The following NIPA2 variants were observed in gnomAD, a reference collection of about 807,000 sequenced individuals.
The protein encoded by NIPA2 is NIPA magnesium transporter 2.
Under a neutral mutation model 29.7 loss-of-function variants are expected in NIPA2, and 11 were observed. That is an observed-to-expected ratio of 0.37 (90% CI 0.23 to 0.61). NIPA2 has a LOEUF of 0.61. Ranked by LOEUF, NIPA2 falls within the 20% of genes least tolerant of loss-of-function variation. The pLI is 0.66. For synonymous variants in NIPA2, 183 were observed against 161.9 expected (o/e 1.13, Z -0.99); for missense variants, 426 against 437.9 (o/e 0.97, Z 0.24).
chr15:22,852,505 T>G (rs1371207042), intron 4 of NIPA2, among the ~76,000 whole-genome samples: 1 of 150,602 alleles, frequency 6.6e-6, no homozygotes, highest in Non-Finnish European at 1.5e-5. Flanking sequence ...TCAGAATTTA[T>G]TAAAGGCTGG....
At chr15:22,858,056 G>C (rs1364611148) in intron 5 of NIPA2, among the ~76,000 whole-genome samples, 1 of 151,946 alleles carries the variant, frequency 6.6e-6, no homozygotes, top group Non-Finnish European at 1.5e-5. Context: ...AATTGACTTG[G>C]ACTCTTACTG....
chr15:22,866,123 C>T lies in NIPA2; in HGVS notation c.449-90C>T, dbSNP rs1014024859. 16 of 1,050,194 alleles carry T rather than the reference C, an allele frequency of 1.5e-5. No individual in the cohort carries two copies. The Admixed American group carries it at 2.3e-4, about 15-fold the overall frequency. The allele number at this position is 1,050,194 out of a possible 1,614,324, so 65.1% of individuals were successfully genotyped here. A position where few individuals can be genotyped will look rare whatever the true frequency, so the allele number is the denominator to read the frequency against. ...TTTATTTCCAGGCCATACCTTTTCT[C>T]CCTATCAAGTTTATTATATTTTGTT... On this transcript the variant is annotated intron_variant, in intron 7 of 7. Transcript: ENST00000337451.
intron 2 of NIPA2, among the ~76,000 whole-genome samples, chr15:22,844,944 A>G (rs1898200235): frequency 6.6e-6 from 1 of 152,172 alleles, no homozygotes. Context: ...TGCCTGGCAG[A>G]TAATAGCTGC....
chr15:22,862,269 AATT>A (rs2058679139), intron 7 of NIPA2, among the ~76,000 whole-genome samples: 1 of 150,688 alleles, frequency 6.6e-6, no homozygotes, highest in African/African-American at 2.4e-5. Flanking sequence ...GCTGGTCTCG[AATT>A]CCTGACCTCA....
intron 3 of NIPA2, among the ~76,000 whole-genome samples, chr15:22,849,981 G>T (rs1014036663): frequency 6.6e-6 from 1 of 152,024 alleles, no homozygotes; most frequent in African/African-American, 2.4e-5. Flanking sequence ...TTTTAAAAAC[G>T]TTAATATGGA....
At chr15:22,841,575 C>T (rs1006821949) in intron 2 of NIPA2, among the ~76,000 whole-genome samples, 12 of 152,084 alleles carry the variant, frequency 7.9e-5, no homozygotes, top group African/African-American at 2.9e-4. Flanking sequence ...GCTGTGCGAT[C>T]TCGGCTCACT....
chr15:22,858,600 C>G lies in NIPA2; in HGVS notation c.257C>G (p.Thr86Ser). The change falls in exon 6 of 8, where the codon ACT becomes AGT. Residue 86 changes from threonine (T) to serine (S), a missense_variant. Thr to Ser is a moderately conservative substitution (Grantham distance 58, BLOSUM62 1). Coordinates refer to ENST00000337451, the MANE Select transcript of NIPA2 (RefSeq NM_030922.7). ...AYAFAPATLV[T>S]PLGALSVLVS... ...GCGTTTGCACCAGCCACTCTAGTGA[C>G]TCCACTAGGAGCTCTCAGCGTGCTA... The G allele has an allele frequency of 6.2e-7, 1 of 1,605,968 alleles. No individual in the cohort carries two copies.
rs199632347 is a variant in NIPA2, at chr15:22,864,433, C to T, written c.449-1780C>T. Among the ~76,000 whole-genome samples, 19 of 152,282 alleles carry T rather than the reference C, an allele frequency of 1.2e-4. No homozygotes were observed. In the East Asian group the frequency reaches 2.9e-3, roughly 23 times the overall value. On this transcript the variant is annotated intron_variant, in intron 7 of 7. Transcript: ENST00000337451. Reference sequence around the variant, plus strand: ...CCGCCCAAAGTGCTGGGATTACAGGCGTGAGCCACCACGCCCGGCCTGCTG... The same window carrying T: ...CCGCCCAAAGTGCTGGGATTACAGGTGTGAGCCACCACGCCCGGCCTGCTG...
rs560971518 is a variant in NIPA2 at position 22,849,395 on chromosome 15, TGCCTTATGAATG to T, written c.-93-2241_-93-2230del. ...ACCTAAGACTTTTCTCATGGAATCT[TGCCTTATGAATG>T]GCACAGAGGGACTAGGGGTACTTTT... On this transcript the variant is annotated intron_variant, in intron 3 of 7. Transcript: ENST00000337451. Among the ~76,000 whole-genome samples the T allele has an allele frequency of 7.0e-3, 1,063 of 152,208 alleles. 34 individuals are homozygous for T. The highest frequency in any genetic ancestry group is 0.061 in the Admixed American group (935 of 15,282).
Position 22,851,851 on chromosome 15 carries a change from G to A in NIPA2, c.120G>A (p.Arg40=), listed in dbSNP as rs1387193395. 1 of 1,613,672 alleles carries A rather than the reference G, an allele frequency of 6.2e-7. No individual in the cohort carries two copies. Among genetic ancestry groups the A allele is most frequent in the African/African-American group, 1.3e-5 (1 of 74,998 alleles). The change falls in exon 4 of 8, where the codon AGG becomes AGA. Residue 40 remains arginine, a synonymous_variant. Coordinates refer to ENST00000337451, the MANE Select transcript of NIPA2 (RefSeq NM_030922.7). ...AAAAGGGCCTCCTTCGACTTGCCAGGAAAGGCTCTATGAGAGCAGGTAGGT... is the reference window on the plus strand; with the variant it reads ...AAAAGGGCCTCCTTCGACTTGCCAGAAAAGGCTCTATGAGAGCAGGTAGGT... ...LKKKGLLRLA[R]KGSMRAGQGG...
At position 22,851,863 on chromosome 15, in the gene NIPA2, G is replaced by A; in HGVS notation, c.132G>A (p.Met44Ile). 1 of 1,613,286 alleles carries A rather than the reference G, an allele frequency of 6.2e-7. No homozygotes were observed. Among genetic ancestry groups the A allele is most frequent in the Non-Finnish European group, 8.5e-7 (1 of 1,179,658 alleles). ...TTCGACTTGCCAGGAAAGGCTCTAT[G>A]AGAGCAGGTAGGTTATGCCTTATGT... ...GLLRLARKGS[M>I]RAGQGGHAYL... The change falls in exon 4 of 8, where the codon ATG becomes ATA. Residue 44 changes from methionine (M) to isoleucine (I), a missense_variant. Transcript: ENST00000337451.
chr15:22,866,189 G>GTAAC, intron 7 of NIPA2, 24 bp from the exon 8 acceptor site: 1 of 1,597,510 alleles, frequency 6.3e-7, no homozygotes, highest in African/African-American at 1.3e-5. Flanking sequence ...TTTGACTCAT[G>GTAAC]TAACTTTTCT....
intron 2 of NIPA2, among the ~76,000 whole-genome samples, chr15:22,840,302 GTT>G (rs34852065): frequency 1.5e-5 from 2 of 129,506 alleles, no homozygotes; most frequent in Non-Finnish European, 1.6e-5. Context: ...TTTTTTTTTT[GTT>G]TTTTTTTTTT....
intron 5 of NIPA2, among the ~76,000 whole-genome samples, chr15:22,854,312 G>A (rs2058021030): frequency 6.6e-6 from 1 of 151,050 alleles, no homozygotes; most frequent in Non-Finnish European, 1.5e-5. Flanking sequence ...TTTTTAGTAG[G>A]GAAGGGGTTT....
In NIPA2 at chr15:22,857,372, G is replaced by T. The variant is rs527960155; in HGVS notation, c.197-1168G>T. 6.1e-4 allele frequency among the ~76,000 whole-genome samples: 93 copies of T among 151,958 alleles called. No homozygotes were observed. In the Middle Eastern group the frequency reaches 0.024, roughly 39 times the overall value. ...GAATCGCTTTAACTTGGGAGGTGGA[G>T]GTTGTAGTGAGCCAAGATCACGCAC... On this transcript the variant is annotated intron_variant, in intron 5 of 7. Transcript: ENST00000337451.
chr15:22,858,456 A>G, intron 5 of NIPA2, 84 bp from the exon 6 acceptor site: 1 of 709,734 alleles, frequency 1.4e-6, no homozygotes, highest in Non-Finnish European at 2.4e-6. Flanking sequence ...GAAATAATAT[A>G]TAGATAGTGC....
At chr15:22,853,867 T>C (rs2057970757) in intron 5 of NIPA2, among the ~76,000 whole-genome samples, 1 of 152,088 alleles carries the variant, frequency 6.6e-6, no homozygotes, top group Admixed American at 6.6e-5. Context: ...TCTTGCTCTG[T>C]CGCCAGGCTG....
At chr15:22,846,878 CTGT>C (rs941024662) in intron 3 of NIPA2, among the ~76,000 whole-genome samples, 25 of 143,594 alleles carry the variant, frequency 1.7e-4, no homozygotes, top group African/African-American at 4.6e-4. Context: ...ATTTGTGAGT[CTGT>C]TGTTTTTTGT....
rs900339523 is a variant in NIPA2 at position 22,838,738 on chromosome 15, G to A, written c.-535G>A. 2.0e-5 allele frequency: 3 copies of A among 152,582 alleles called. No individual in the cohort carries two copies. Among genetic ancestry groups the A allele is most frequent in the Non-Finnish European group, 4.4e-5 (3 of 68,088 alleles). 9.5% of individuals were successfully genotyped at this position (152,582 alleles called of 1,614,324 possible). ...GGTTGTCCTTGGCAGGTTTTCCTCG[G>A]CGCTTCTCCATGGAGGAGGCGGTGC... On this transcript the variant is annotated 5_prime_UTR_variant, in exon 1 of 8. Transcript: ENST00000337451.
Sources: gnomAD v4.1 joint callset for allele counts (sites outside exome capture counted in the v4.1 genomes callset) on GRCh38, gnomAD v4.1.1 for gene constraint, MANE v1.5 for transcripts, NCBI Gene and HGNC (gene_info 2026-07-23, HGNC 2026-07-21) for gene names.